STIM1: variants seen among roughly 807,000 people sequenced by gnomAD.
STIM1 encodes stromal interaction molecule 1.
A neutral mutation model predicts 74.7 loss-of-function variants in STIM1; 25 were observed. That is an observed-to-expected ratio of 0.33 (90% CI 0.24 to 0.47). The LOEUF is 0.47. Ranked by LOEUF, STIM1 falls within the 20% of genes least tolerant of loss-of-function variation. The pLI is 1.00. For missense variants in STIM1, 728 were observed against 920.8 expected (o/e 0.79, Z 2.71); for synonymous variants, 328 against 348.8 (o/e 0.94, Z 0.66).
At chr11:3,915,280 A>T (rs557903109) in intron 1 of STIM1, among the ~76,000 whole-genome samples, 12 of 152,264 alleles carry the variant, frequency 7.9e-5, no homozygotes, top group African/African-American at 2.6e-4. Flanking sequence ...TTTAGAGACG[A>T]GATTTTGCTA....
intron 3 of STIM1, among the ~76,000 whole-genome samples, chr11:4,041,414 A>AT (rs962345511): frequency 6.5e-4 from 98 of 151,442 alleles, no homozygotes; most frequent in African/African-American, 2.3e-3. Context: ...ATTATAGATG[A>AT]TTTTTTTTAC....
chr11:3,894,319 A>G (rs1285014070), intron 1 of STIM1, among the ~76,000 whole-genome samples: 1 of 152,128 alleles, frequency 6.6e-6, no homozygotes, highest in Non-Finnish European at 1.5e-5. Flanking sequence ...AGGGCCCCGT[A>G]TGTTTTCACT....
At chr11:4,016,333 G>A (rs1299318267) in intron 2 of STIM1, among the ~76,000 whole-genome samples, 1 of 152,158 alleles carries the variant, frequency 6.6e-6, no homozygotes, top group African/African-American at 2.4e-5. Flanking sequence ...GAGTTGGCGG[G>A]AGGTCCACTC....
intron 2 of STIM1, among the ~76,000 whole-genome samples, chr11:3,980,584 G>A (rs1262144429): frequency 6.8e-6 from 1 of 146,486 alleles, no homozygotes; most frequent in Non-Finnish European, 1.5e-5. Flanking sequence ...GACCAGGCTG[G>A]GCAACATAAC....
chr11:3,912,431 C>T (rs1028177344), intron 1 of STIM1, among the ~76,000 whole-genome samples: 5 of 151,254 alleles, frequency 3.3e-5, no homozygotes, highest in Admixed American at 2.0e-4. Context: ...ATGGTGCGAT[C>T]TCAGCTCACT....
chr11:3,932,780 C>G (rs927398038), intron 1 of STIM1, among the ~76,000 whole-genome samples: 2 of 152,144 alleles, frequency 1.3e-5, no homozygotes, highest in African/African-American at 4.8e-5. Flanking sequence ...TAAGCGGGCC[C>G]TCGCCAGACA....
chr11:3,926,187 A>C (rs1285085030), intron 1 of STIM1, among the ~76,000 whole-genome samples: 1 of 152,202 alleles, frequency 6.6e-6, no homozygotes, highest in African/African-American at 2.4e-5. Flanking sequence ...TTAGTTGAGA[A>C]AAAAATATAA....
intron 1 of STIM1, among the ~76,000 whole-genome samples, chr11:3,924,440 C>T (rs1436329549): frequency 6.6e-6 from 1 of 152,080 alleles, no homozygotes. Flanking sequence ...CCTCGTGATC[C>T]ACCTGCCTTG....
intron 1 of STIM1, among the ~76,000 whole-genome samples, chr11:3,965,900 G>A (rs1022381663): frequency 1.6e-4 from 25 of 152,230 alleles, no homozygotes; most frequent in African/African-American, 5.3e-4. Flanking sequence ...CCAGCTACTC[G>A]GAAGGCTGAG....
At chr11:3,976,686 G>T (rs1294236576) in intron 2 of STIM1, among the ~76,000 whole-genome samples, 2 of 152,036 alleles carry the variant, frequency 1.3e-5, no homozygotes, top group East Asian at 3.9e-4. Context: ...CTTAGATAGG[G>T]TCTCACTATG....
chr11:3,873,969 A>C (rs2091226114), intron 1 of STIM1, among the ~76,000 whole-genome samples: 1 of 152,160 alleles, frequency 6.6e-6, no homozygotes, highest in Admixed American at 6.5e-5. Context: ...GGTTGGACTA[A>C]TTAAAATGTG....
intron 1 of STIM1, among the ~76,000 whole-genome samples, chr11:3,893,490 G>C (rs1209155358): frequency 6.6e-6 from 1 of 152,322 alleles, no homozygotes; most frequent in Non-Finnish European, 1.5e-5. Flanking sequence ...CCTACCCAGT[G>C]AGTGAATGAC....
intron 2 of STIM1, among the ~76,000 whole-genome samples, chr11:3,969,063 A>G (rs371536622): frequency 9.8e-5 from 15 of 152,330 alleles, no homozygotes; most frequent in South Asian, 4.1e-4. Context: ...TAAAGTGGGG[A>G]AAGTAAAAAG....
chr11:3,880,304 C>T (rs2091455077), intron 1 of STIM1, among the ~76,000 whole-genome samples: 1 of 152,156 alleles, frequency 6.6e-6, no homozygotes, highest in African/African-American at 2.4e-5. Context: ...GCACCTGTGA[C>T]CCTTGCAGGT....
chr11:3,880,301 T>A (rs1316175395), intron 1 of STIM1, among the ~76,000 whole-genome samples: 1 of 152,246 alleles, frequency 6.6e-6, no homozygotes, highest in Non-Finnish European at 1.5e-5. Context: ...CTAGCACCTG[T>A]GACCCTTGCA....
intron 2 of STIM1, among the ~76,000 whole-genome samples, chr11:3,994,724 G>C (rs1243488209): frequency 6.6e-6 from 1 of 151,922 alleles, no homozygotes; most frequent in Non-Finnish European, 1.5e-5. Flanking sequence ...CCTCTCACAG[G>C]TGTGAGTCTT....
chr11:4,067,278 G>C (rs2094373769), intron 5 of STIM1, among the ~76,000 whole-genome samples: 1 of 152,214 alleles, frequency 6.6e-6, no homozygotes, highest in Non-Finnish European at 1.5e-5. Context: ...CACATAGTGT[G>C]GGATGCCTCC....
chr11:4,079,383 G>A (rs1005584813), intron 7 of STIM1, among the ~76,000 whole-genome samples: 1 of 151,898 alleles, frequency 6.6e-6, no homozygotes, highest in African/African-American at 2.4e-5. Context: ...AGACCAGGCT[G>A]GCCAACGTAG....
At chr11:3,928,654 C>T (rs545748037) in intron 1 of STIM1, among the ~76,000 whole-genome samples, 2 of 152,164 alleles carry the variant, frequency 1.3e-5, no homozygotes, top group African/African-American at 2.4e-5. Context: ...AGAATGCTGA[C>T]AGGAATCCCT....
Sources: gnomAD v4.1 joint callset for allele counts (sites outside exome capture counted in the v4.1 genomes callset) on GRCh38, gnomAD v4.1.1 for gene constraint, MANE v1.5 for transcripts, NCBI Gene and HGNC (gene_info 2026-07-23, HGNC 2026-07-21) for gene names.